TET1: variants seen among roughly 807,000 people sequenced by gnomAD.
The protein encoded by TET1 is tet methylcytosine dioxygenase 1, also known as methylcytosine dioxygenase TET1.
A neutral mutation model predicts 148.7 loss-of-function variants in TET1; 13 were observed. The ratio of observed to expected loss-of-function variants is 0.09; its 90% CI spans 0.06 to 0.14. The LOEUF (loss-of-function observed/expected upper bound fraction) is 0.14, where lower values mean the gene tolerates loss of function less well. Among genes scored for constraint, TET1 ranks in the 10% least tolerant of loss-of-function variants. TET1 has a pLI of 1.00. For synonymous variants in TET1, 907 were observed against 937.2 expected (o/e 0.97, Z 0.59); for missense variants, 2,182 against 2,553.8 (o/e 0.85, Z 3.14).
chr10:68,574,353 A>AC, intron 2 of TET1, 101 bp downstream of exon 2: 1 of 923,082 alleles, frequency 1.1e-6, no homozygotes, highest in Non-Finnish European at 1.6e-6. Context: ...TGTAATAGTG[A>AC]ATTGCTTCAC....
intron 1 of TET1, among the ~76,000 whole-genome samples, chr10:68,570,346 C>T (rs920711941): frequency 2.4e-4 from 36 of 152,032 alleles, no homozygotes; most frequent in African/African-American, 7.2e-4. Context: ...CTCAGGTGAT[C>T]CACCTGCCTC....
At chr10:68,652,264 GC>G (rs1322140407) in intron 5 of TET1, among the ~76,000 whole-genome samples, 1 of 152,120 alleles carries the variant, frequency 6.6e-6, no homozygotes, top group Non-Finnish European at 1.5e-5. Flanking sequence ...TGCTTGTCTG[GC>G]ACTCAGCCTA....
At chr10:68,671,426 C>T (rs1490222624) in intron 7 of TET1, among the ~76,000 whole-genome samples, 4 of 152,200 alleles carry the variant, frequency 2.6e-5, no homozygotes, top group Non-Finnish European at 2.9e-5. Context: ...ATGTGTACCA[C>T]ATTTTCTTTA....
chr10:68,670,024 C>T (rs1400462864), intron 7 of TET1, among the ~76,000 whole-genome samples: 3 of 152,146 alleles, frequency 2.0e-5, no homozygotes, highest in Non-Finnish European at 4.4e-5. Flanking sequence ...CATACAAACA[C>T]GTTACTGTTG....
intron 10 of TET1, among the ~76,000 whole-genome samples, chr10:68,683,260 G>A (rs931422825): frequency 2.0e-5 from 3 of 151,736 alleles, no homozygotes; most frequent in Non-Finnish European, 2.9e-5. Context: ...GGAGGCAGGA[G>A]TACTTTTTTT....
chr10:68,648,759 C>G (rs193265402), intron 4 of TET1, among the ~76,000 whole-genome samples: 2 of 152,278 alleles, frequency 1.3e-5, no homozygotes, highest in East Asian at 3.9e-4. Context: ...GCTCATTGTT[C>G]AATACACAGT....
intron 2 of TET1, among the ~76,000 whole-genome samples, chr10:68,593,915 ATTTTT>A (rs3998851): frequency 1.2e-3 from 55 of 44,748 alleles, no homozygotes; most frequent in Admixed American, 6.3e-3. Flanking sequence ...CGCCTGAGCT[ATTTTT>A]TTTTTTTTTT....
chr10:68,594,741 G>C (rs1213425252), intron 2 of TET1, among the ~76,000 whole-genome samples: 1 of 152,104 alleles, frequency 6.6e-6, no homozygotes, highest in Non-Finnish European at 1.5e-5. Context: ...CACTTTGGGA[G>C]GCTGAGGTAG....
At chr10:68,624,644 C>CTT (rs1216191035) in intron 3 of TET1, among the ~76,000 whole-genome samples, 1 of 51,448 alleles carries the variant, frequency 1.9e-5, no homozygotes, top group Non-Finnish European at 3.4e-5. Context: ...TTCTTTCTTT[C>CTT]TTTCTTTCTT....
chr10:68,692,789 C>T lies in TET1; in HGVS notation c.*975C>T. ...ACAACCTCAATTTAGTTTCATCCCA[C>T]CTTTCTCAGTATAATCCATGAGAGG... is the stretch of plus-strand genomic sequence containing the variant. On this transcript the variant is annotated 3_prime_UTR_variant, in exon 12 of 12. Coordinates refer to ENST00000373644, the MANE Select transcript of TET1 (RefSeq NM_030625.3). 1 of 231,258 alleles carries T rather than the reference C, an allele frequency of 4.3e-6. No individual in the cohort carries two copies. Among genetic ancestry groups the T allele is most frequent in the East Asian group, 6.2e-5 (1 of 16,216 alleles). The allele number at this position is 231,258 out of a possible 1,614,324, so 14.3% of individuals were successfully genotyped here.
intron 3 of TET1, among the ~76,000 whole-genome samples, chr10:68,602,873 A>G (rs902518228): frequency 2.0e-5 from 3 of 151,546 alleles, no homozygotes; most frequent in African/African-American, 7.3e-5. Context: ...GTTAGACATA[A>G]TTTTTTTTCT....
chr10:68,666,410 A>G (rs74905726), intron 6 of TET1, among the ~76,000 whole-genome samples: 6,320 of 152,234 alleles, frequency 0.042, 456 homozygotes, highest in African/African-American at 0.14. Flanking sequence ...GAAAAGCCAT[A>G]ACATTCCTCA....
chr10:68,652,819 T>C lies in TET1; in HGVS notation c.4461+225T>C, dbSNP rs895466620. On this transcript the variant is annotated intron_variant, in intron 6 of 11. Transcript: ENST00000373644. Reference sequence around the variant, plus strand: ...TCTTTCCACCTTAGCCTCCAAGTACTTAAGACTTGCCACCAAACCCGGCTA... The same window carrying C: ...TCTTTCCACCTTAGCCTCCAAGTACCTAAGACTTGCCACCAAACCCGGCTA... 2.0e-5 allele frequency among the ~76,000 whole-genome samples: 3 copies of C among 150,900 alleles called. No homozygotes were observed. In the Admixed American group the frequency reaches 2.0e-4, roughly 10 times the overall value.
intron 6 of TET1, among the ~76,000 whole-genome samples, chr10:68,659,632 C>G (rs1339588279): frequency 6.6e-6 from 1 of 152,146 alleles, no homozygotes; most frequent in Non-Finnish European, 1.5e-5. Flanking sequence ...ATTAAACTGA[C>G]TTACATGTTT....
Position 68,672,961 on chromosome 10 carries a change from A to T in TET1, c.4740A>T (p.Ser1580=), listed in dbSNP as rs762067706. The T allele has an allele frequency of 6.2e-7, 1 of 1,612,850 alleles. No individual in the cohort carries two copies. Among genetic ancestry groups the T allele is most frequent in the Non-Finnish European group, 8.5e-7 (1 of 1,179,068 alleles). Residue 1580 remains serine (S), a synonymous_variant, in exon 8 of 12, where the codon TCA becomes TCT. Coordinates refer to ENST00000373644, the MANE Select transcript of TET1 (RefSeq NM_030625.3). ...GAGCTTCATTCTCTTTTGGCTGTTCATGGAGTATGTACTTTAATGGCTGTA... is the reference window on the plus strand; with the variant it reads ...GAGCTTCATTCTCTTTTGGCTGTTCTTGGAGTATGTACTTTAATGGCTGTA... ...TCGASFSFGC[S]WSMYFNGCKF... is the part of the protein sequence containing the mutation.
intron 3 of TET1, among the ~76,000 whole-genome samples, chr10:68,603,533 G>A (rs1208917349): frequency 6.6e-6 from 1 of 152,144 alleles, no homozygotes; most frequent in Non-Finnish European, 1.5e-5. Flanking sequence ...AACTTTGGGA[G>A]GCCAAGGCGG....
intron 3 of TET1, among the ~76,000 whole-genome samples, chr10:68,618,562 G>A (rs1283426338): frequency 1.3e-5 from 2 of 152,134 alleles, no homozygotes; most frequent in Admixed American, 6.6e-5. Flanking sequence ...CCTCCAATCT[G>A]GGACCACCTA....
chr10:68,639,462 ACTAC>A (rs1564984397), intron 3 of TET1, among the ~76,000 whole-genome samples: 2 of 51,762 alleles, frequency 3.9e-5, no homozygotes, highest in East Asian at 1.9e-3. Flanking sequence ...TACTACTACT[ACTAC>A]TATTATTATT....
At chr10:68,675,792 T>C (rs761200868) in intron 8 of TET1, among the ~76,000 whole-genome samples, 2 of 152,076 alleles carry the variant, frequency 1.3e-5, no homozygotes, top group Non-Finnish European at 2.9e-5. Context: ...TGGCCCAAGA[T>C]CAATGACAGT....
Sources: allele counts gnomAD v4.1 joint callset (sites outside exome capture counted in the v4.1 genomes callset), GRCh38; gene constraint gnomAD v4.1.1; transcripts MANE v1.5; gene names NCBI Gene and HGNC (gene_info 2026-07-23, HGNC 2026-07-21).